The following TGM6 variants were observed in gnomAD, a reference collection of about 807,000 sequenced individuals.
TGM6 encodes protein-glutamine gamma-glutamyltransferase 6.
Under a neutral mutation model 77.5 loss-of-function variants are expected in TGM6, and 74 were observed. The ratio of observed to expected loss-of-function variants is 0.96; its 90% CI spans 0.79 to 1.16. The LOEUF is 1.16. Among genes scored for constraint, TGM6 ranks in the 50% most tolerant of loss-of-function variants. The pLI, the probability that TGM6 is intolerant of heterozygous loss-of-function variation, is 0.00. For synonymous variants in TGM6, 383 were observed against 378.9 expected (o/e 1.01, Z -0.12); for missense variants, 968 against 940.2 (o/e 1.03, Z -0.39).
At chr20:2,382,351 G>A (rs1385004832) in intron 1 of TGM6, among the ~76,000 whole-genome samples, 1 of 152,216 alleles carries the variant, frequency 6.6e-6, no homozygotes, top group Admixed American at 6.5e-5. Context: ...TGGCCCTGGT[G>A]CAGAGGGGAT....
chr20:2,405,831 C>G (rs894994133), intron 9 of TGM6, among the ~76,000 whole-genome samples: 3 of 152,218 alleles, frequency 2.0e-5, no homozygotes, highest in African/African-American at 7.2e-5. Context: ...AAACCTGACA[C>G]TTGTGGGTAG....
chr20:2,431,871 A>C (rs1443572357), intron 12 of TGM6, among the ~76,000 whole-genome samples: 1 of 152,162 alleles, frequency 6.6e-6, no homozygotes, highest in African/African-American at 2.4e-5. Context: ...GAAAAAGAGA[A>C]CTTGATTTGG....
At chr20:2,386,761 G>A (rs1052824494) in intron 1 of TGM6, among the ~76,000 whole-genome samples, 1 of 152,154 alleles carries the variant, frequency 6.6e-6, no homozygotes, top group Non-Finnish European at 1.5e-5. Context: ...TGATAAGGAT[G>A]CAGATGCCTC....
chr20:2,410,646 G>A lies in TGM6; in HGVS notation c.1337-6586G>A, dbSNP rs116935426. Reference sequence around the variant, plus strand: ...GTCTTGTGGGACTGAGCCCTTCAACGTGTGGAGTCTGATGCTAACTCCAGG... The same window carrying A: ...GTCTTGTGGGACTGAGCCCTTCAACATGTGGAGTCTGATGCTAACTCCAGG... On this transcript the variant is annotated intron_variant, in intron 9 of 12. Transcript: ENST00000202625. 2.4e-4 allele frequency among the ~76,000 whole-genome samples: 37 copies of A among 152,228 alleles called. 1 individual carries two copies. In the South Asian group the frequency reaches 6.4e-3, roughly 26 times the overall value.
chr20:2,418,888 A>C (rs2084836571), intron 10 of TGM6, among the ~76,000 whole-genome samples: 1 of 151,880 alleles, frequency 6.6e-6, no homozygotes, highest in African/African-American at 2.4e-5. Context: ...CATCCTGGCT[A>C]ACACAGTGAA....
chr20:2,416,924 G>A (rs944111989), intron 9 of TGM6, among the ~76,000 whole-genome samples: 2 of 152,082 alleles, frequency 1.3e-5, no homozygotes, highest in African/African-American at 2.4e-5. Context: ...TAATACCTCT[G>A]TAGTACCTCC....
chr20:2,416,263 C>T (rs1324906607), intron 9 of TGM6, among the ~76,000 whole-genome samples: 1 of 152,124 alleles, frequency 6.6e-6, no homozygotes. Context: ...AAAAGTACTA[C>T]AAATATACAG....
rs1393918139 is a variant in TGM6, at chr20:2,417,486, C to T, written c.1591C>T (p.Leu531=). ...TSRAQRVRVN[L]SGATILYTRK... Reference sequence around the variant, plus strand: ...CCGGGCCCAGCGGGTGAGGGTCAACCTGAGCGGTGCCACCATCCTCTATAC... The same window carrying T: ...CCGGGCCCAGCGGGTGAGGGTCAACTTGAGCGGTGCCACCATCCTCTATAC... Residue 531 remains leucine (L), a synonymous_variant, in exon 10 of 13, where the codon CTG becomes TTG. Coordinates refer to ENST00000202625, the MANE Select transcript of TGM6 (RefSeq NM_198994.3). 1 of 1,609,312 alleles carries T rather than the reference C, an allele frequency of 6.2e-7. No homozygotes were observed. The highest frequency in any genetic ancestry group is 1.3e-5 in the African/African-American group (1 of 74,936).
At chr20:2,381,024 G>T (rs1456780809) in intron 1 of TGM6, 49 bp downstream of exon 1, 4 of 1,604,774 alleles carry the variant, frequency 2.5e-6, no homozygotes, top group Non-Finnish European at 2.5e-6. Flanking sequence ...TCATGAGGGG[G>T]GCTTCAAGAA....
In TGM6 at chr20:2,380,918, C is replaced by G; in HGVS notation, c.-51C>G. 1 of 1,597,840 alleles carries G rather than the reference C, an allele frequency of 6.3e-7. No individual in the cohort carries two copies. Among genetic ancestry groups the G allele is most frequent in the Non-Finnish European group, 8.5e-7 (1 of 1,174,056 alleles). On this transcript the variant is annotated 5_prime_UTR_variant, in exon 1 of 13. Transcript: ENST00000202625. ...GCTGTGACGCGCCACACTGTCCTGA[C>G]GGTGCACACACTGCTGTGTGGAGGA...
At chr20:2,397,783 TGATG>T in intron 4 of TGM6, 131 bp from the exon 5 acceptor site, 1 of 1,421,180 alleles carries the variant, frequency 7.0e-7, no homozygotes, top group East Asian at 2.3e-5. Context: ...GGGTGCTCTG[TGATG>T]CCCCTGGTGG....
In TGM6 at chr20:2,395,233, T is replaced by C; in HGVS notation, c.221T>C (p.Phe74Ser). ...ASEALHTKAV[F>S]QTSELERGEG... ...GAGGCCCTCCACACCAAAGCTGTGT[T>C]CCAGACATCGGAGCTGGAGCGGGGT... Residue 74 changes from phenylalanine to serine, a missense_variant, in exon 3 of 13, where the codon TTC becomes TCC. Physicochemically the swap from Phe to Ser is radical, Grantham distance 155. Coordinates refer to ENST00000202625, the MANE Select transcript of TGM6 (RefSeq NM_198994.3). 2 of 1,614,024 alleles carry C rather than the reference T, an allele frequency of 1.2e-6. No homozygotes were observed. Among genetic ancestry groups the C allele is most frequent in the South Asian group, 2.2e-5 (2 of 91,068 alleles).
At chr20:2,421,879 C>T (rs59185956) in intron 10 of TGM6, among the ~76,000 whole-genome samples, 13,501 of 152,142 alleles carry the variant, frequency 0.089, 745 homozygotes, top group East Asian at 0.21. Context: ...CGGCTGTAAT[C>T]CCAGCACTTT....
intron 10 of TGM6, among the ~76,000 whole-genome samples, chr20:2,430,170 A>G (rs1042708040): frequency 6.6e-6 from 1 of 151,992 alleles, no homozygotes; most frequent in Admixed American, 6.6e-5. Flanking sequence ...GGGCTCTTGG[A>G]GAAATTATCT....
rs538768377 is a variant in TGM6, at chr20:2,385,137, G to A, written c.7+4162G>A. Among the ~76,000 whole-genome samples the A allele has an allele frequency of 2.6e-5, 4 of 152,340 alleles. No individual in the cohort carries two copies. The South Asian group carries it at 8.3e-4, about 32-fold the overall frequency. On this transcript the variant is annotated intron_variant, in intron 1 of 12. Coordinates refer to ENST00000202625, the MANE Select transcript of TGM6 (RefSeq NM_198994.3). The stretch of plus-strand genomic sequence containing the variant: ...GGCCAAGGGAATTTGTGCCTGGGCA[G>A]GAAGTTGTGAGGGAGATGGTCTCTG...
intron 9 of TGM6, among the ~76,000 whole-genome samples, chr20:2,412,239 C>T (rs1271051712): frequency 6.6e-6 from 1 of 152,140 alleles, no homozygotes; most frequent in Non-Finnish European, 1.5e-5. Context: ...CATAAAAGAA[C>T]AAATATTCTA....
In TGM6 at chr20:2,423,750, T is replaced by A. The variant is rs189275653; in HGVS notation, c.1678+6177T>A. Among the ~76,000 whole-genome samples, 188 of 152,338 alleles carry A rather than the reference T, an allele frequency of 1.2e-3. 1 individual carries two copies. The highest frequency in any genetic ancestry group is 0.012 in the Admixed American group (177 of 15,296). On this transcript the variant is annotated intron_variant, in intron 10 of 12. Transcript: ENST00000202625. ...AGGTTTTCAATTGACTTTGCCCAGA[T>A]CCATTAGAGGAATCACTATCTATGG...
At chr20:2,431,080 TGAGCCA>T (rs1286073287) in intron 12 of TGM6, 53 bp downstream of exon 12, 3 of 1,573,734 alleles carry the variant, frequency 1.9e-6, no homozygotes, top group East Asian at 4.6e-5. Flanking sequence ...TCCTTGTGGA[TGAGCCA>T]GAGAGAAGTT....
At chr20:2,411,253 TTACTGATAAACTGAATTCAGCA>T (rs2084782571) in intron 9 of TGM6, among the ~76,000 whole-genome samples, 1 of 152,184 alleles carries the variant, frequency 6.6e-6, no homozygotes, top group Non-Finnish European at 1.5e-5. Flanking sequence ...TGAATTCAGC[TTACTGATAAACTGAATTCAGCA>T]ACATATAAAA....
Sources: gnomAD v4.1 joint callset for allele counts (sites outside exome capture counted in the v4.1 genomes callset) on GRCh38, gnomAD v4.1.1 for gene constraint, MANE v1.5 for transcripts, NCBI Gene and HGNC (gene_info 2026-07-23, HGNC 2026-07-21) for gene names.